CDH23: variants seen among roughly 807,000 people sequenced by gnomAD.
CDH23 encodes cadherin related 23.
CDH23 carries 189 observed loss-of-function variants against 317.1 expected under a neutral mutation model. The observed-to-expected ratio is 0.60, with a 90% CI of 0.53 to 0.67. The LOEUF (loss-of-function observed/expected upper bound fraction) is 0.67, where lower values mean the gene tolerates loss of function less well. CDH23 is among the 30% of genes least tolerant of loss of function. The probability of loss-of-function intolerance (pLI) is 0.00; values close to 1 mark genes in which losing one functional copy is unlikely to be tolerated. For synonymous variants in CDH23, 1,839 were observed against 1,876.8 expected, an observed-to-expected ratio of 0.98 and a Z score of 0.52; for missense variants, 4,401 against 4,592.4, an observed-to-expected ratio of 0.96 and a Z score of 1.20.
chr10:71,619,108 G>A (rs1485212054), intron 11 of CDH23, among the ~76,000 whole-genome samples: 1 of 152,158 alleles, frequency 6.6e-6, no homozygotes, highest in Non-Finnish European at 1.5e-5. Context: ...GCCGAGGCAG[G>A]TGGATCACTT....
In CDH23 at chr10:71,679,496, G is replaced by A. The variant is rs1284141394; in HGVS notation, c.1858+4G>A. On this transcript the variant is annotated splice_donor_region_variant and intron_variant, in intron 17 of 69. Coordinates refer to ENST00000224721, the MANE Select transcript of CDH23 (RefSeq NM_022124.6). Reference sequence around the variant, plus strand: ...AGCCTGTACGAGGGCTATGGAGGTAGGTGTGGGGCAGAACTCGGGGCCCAG... The same window carrying A: ...AGCCTGTACGAGGGCTATGGAGGTAAGTGTGGGGCAGAACTCGGGGCCCAG... The A allele has an allele frequency of 1.2e-6, 2 of 1,602,722 alleles. No individual in the cohort carries two copies. The highest frequency in any genetic ancestry group is 1.3e-5 in the African/African-American group (1 of 74,886).
intron 14 of CDH23, among the ~76,000 whole-genome samples, chr10:71,668,327 C>A (rs1487548829): frequency 6.6e-6 from 1 of 152,190 alleles, no homozygotes; most frequent in Admixed American, 6.5e-5. Flanking sequence ...CGGTCTTCAA[C>A]AGGGCGAGGA....
chr10:71,546,355 G>T (rs1856281509), intron 6 of CDH23, among the ~76,000 whole-genome samples: 1 of 152,202 alleles, frequency 6.6e-6, no homozygotes, highest in Non-Finnish European at 1.5e-5. Flanking sequence ...TCTATACCAG[G>T]CAGAGCGATA....
chr10:71,694,800 A>G (rs992551373), intron 21 of CDH23, among the ~76,000 whole-genome samples: 3 of 152,138 alleles, frequency 2.0e-5, no homozygotes, highest in African/African-American at 7.2e-5. Flanking sequence ...GGACCAGCTG[A>G]CAGTCACTCC....
intron 3 of CDH23, among the ~76,000 whole-genome samples, chr10:71,446,606 G>A (rs1334682261): frequency 6.6e-6 from 1 of 152,174 alleles, no homozygotes; most frequent in Non-Finnish European, 1.5e-5. Context: ...TTATCACATT[G>A]AGCCTCAGAT....
chr10:71,562,101 T>A lies in CDH23; in HGVS notation c.430-4641T>A, dbSNP rs1008947030. 1.6e-4 allele frequency among the ~76,000 whole-genome samples: 25 copies of A among 152,028 alleles called. 1 individual carries two copies. Among genetic ancestry groups the A allele is most frequent in the African/African-American group, 5.8e-4 (24 of 41,388 alleles). On this transcript the variant is annotated intron_variant, in intron 6 of 69. Coordinates refer to ENST00000224721, the MANE Select transcript of CDH23 (RefSeq NM_022124.6). Reference sequence around the variant, plus strand: ...GTGCTGCTTCTACAACTCCAACCCGTGCAGCCCCAACCCCAGACACTCCAA... The same window carrying A: ...GTGCTGCTTCTACAACTCCAACCCGAGCAGCCCCAACCCCAGACACTCCAA...
At chr10:71,481,113 G>A (rs60396324) in intron 3 of CDH23, among the ~76,000 whole-genome samples, 29,163 of 152,064 alleles carry the variant, frequency 0.19, 2,927 homozygotes, top group East Asian at 0.31. Context: ...CCCATTTCCC[G>A]TTGCCCAGCT....
At position 71,439,250 on chromosome 10, in the gene CDH23, C is replaced by T. The variant is rs113282748; in HGVS notation, c.-5-577C>T. Among the ~76,000 whole-genome samples the T allele has an allele frequency of 5.3e-4, 80 of 152,278 alleles. 1 individual carries two copies. The highest frequency in any genetic ancestry group is 1.9e-3 in the African/African-American group (79 of 41,538). On this transcript the variant is annotated intron_variant, in intron 1 of 69. Coordinates refer to ENST00000224721, the MANE Select transcript of CDH23 (RefSeq NM_022124.6). ...CCTCTTTGGACACCATGACCTGCTG[C>T]ATCCCTTCATATACAAGGTTATGGG...
In CDH23 at chr10:71,779,294, G is replaced by A. The variant is rs370337521; in HGVS notation, c.5215G>A (p.Asp1739Asn). The A allele has an allele frequency of 2.5e-6, 4 of 1,613,890 alleles. No individual in the cohort carries two copies. The highest frequency in any genetic ancestry group is 2.7e-5 in the African/African-American group (2 of 74,936). The change falls in exon 41 of 70, where the codon GAC (aspartate) becomes AAC (asparagine). Residue 1739 changes from aspartate to asparagine, a missense_variant. Transcript: ENST00000224721. ...GCTTGTGAATGTGAATGACATCAAC[G>A]ACAATGTGCCTACCTTCCCCCGGGA... ...TVLVNVNDIN[D>N]NVPTFPRDYE...
chr10:71,511,585 T>C (rs1853992315), intron 6 of CDH23, among the ~76,000 whole-genome samples: 1 of 152,272 alleles, frequency 6.6e-6, no homozygotes. Flanking sequence ...CAGATCTTCC[T>C]GCTTTGGCCA....
chr10:71,626,297 C>G (rs1429756846), intron 11 of CDH23, among the ~76,000 whole-genome samples: 2 of 152,190 alleles, frequency 1.3e-5, no homozygotes, highest in East Asian at 3.9e-4. Context: ...ACTGCGCTAA[C>G]CCTAGCTCCC....
intron 6 of CDH23, chr10:71,511,652 A>G: frequency 3.6e-6 from 1 of 274,718 alleles, no homozygotes; most frequent in Non-Finnish European, 7.2e-6. Flanking sequence ...GGCTTTCCCT[A>G]GCCCCGCGCT....
rs771097813 is a variant in CDH23 at position 71,695,380 on chromosome 10, G to A, written c.2290-38G>A. On this transcript the variant is annotated intron_variant, in intron 21 of 69. Coordinates refer to ENST00000224721, the MANE Select transcript of CDH23 (RefSeq NM_022124.6). The stretch of plus-strand genomic sequence containing the variant: ...GCAGGCCCTGCCCTGGCCCATCTCA[G>A]CTGGGTGTGTCTCCCAGCGCCCCTT... The A allele has an allele frequency of 2.1e-6, 3 of 1,457,052 alleles. No individual in the cohort carries two copies. In the East Asian group the frequency reaches 6.8e-5, roughly 33 times the overall value. 90.3% of individuals were successfully genotyped at this position (1,457,052 alleles called of 1,614,324 possible). A position where few individuals can be genotyped will look rare whatever the true frequency, so the allele number is the denominator to read the frequency against.
At chr10:71,420,509 G>GTGATAGTGA (rs1848746507) in intron 1 of CDH23, among the ~76,000 whole-genome samples, 1 of 15,856 alleles carries the variant, frequency 6.3e-5, no homozygotes, top group Non-Finnish European at 1.5e-4. Flanking sequence ...AATGGTGATG[G>GTGATAGTGA]TGATGATGGT....
At position 71,510,929 on chromosome 10, in the gene CDH23, C is replaced by G. The variant is rs115821512; in HGVS notation, c.289-25C>G. 1,178 of 1,613,792 alleles carry G rather than the reference C, an allele frequency of 7.3e-4. 13 individuals are homozygous for G. In the African/African-American group the frequency reaches 0.015, roughly 20 times the overall value. ...GACCTCAGCACCGCCTAACTGCCCCCCTCCCTCTCTCACTTTTCTTTCAGA... is the reference window on the plus strand; with the variant it reads ...GACCTCAGCACCGCCTAACTGCCCCGCTCCCTCTCTCACTTTTCTTTCAGA... On this transcript the variant is annotated intron_variant, in intron 4 of 69. Transcript: ENST00000224721.
At chr10:71,440,192 C>A (rs1244606391) in intron 2 of CDH23, among the ~76,000 whole-genome samples, 1 of 152,182 alleles carries the variant, frequency 6.6e-6, no homozygotes, top group Non-Finnish European at 1.5e-5. Flanking sequence ...GAACCGTCCT[C>A]CTCCTGGGGT....
At chr10:71,542,807 G>A (rs55708145) in intron 6 of CDH23, among the ~76,000 whole-genome samples, 14,973 of 152,282 alleles carry the variant, frequency 0.098, 967 homozygotes, top group African/African-American at 0.17. Context: ...CCACACTTCA[G>A]CTCTCCCCAC....
intron 3 of CDH23, among the ~76,000 whole-genome samples, chr10:71,449,292 T>G (rs1850319471): frequency 6.6e-6 from 1 of 152,120 alleles, no homozygotes; most frequent in Non-Finnish European, 1.5e-5. Context: ...CACCAGAGGT[T>G]GGAGTTGTAA....
intron 17 of CDH23, 143 bp from the exon 18 acceptor site, chr10:71,682,302 T>C: frequency 9.5e-7 from 1 of 1,057,006 alleles, no homozygotes; most frequent in South Asian, 1.6e-5. Flanking sequence ...AGTCGAGATG[T>C]TGAGGCTCCA....
Sources: allele counts gnomAD v4.1 joint callset (sites outside exome capture counted in the v4.1 genomes callset), GRCh38; gene constraint gnomAD v4.1.1; transcripts MANE v1.5; gene names NCBI Gene and HGNC (gene_info 2026-07-23, HGNC 2026-07-21).